The following CEP128 variants were observed in gnomAD, a reference collection of about 807,000 sequenced individuals.
CEP128 encodes the protein centrosomal protein 128.
Under a neutral mutation model 156.7 loss-of-function variants are expected in CEP128, and 132 were observed. The ratio of observed to expected loss-of-function variants is 0.84; its 90% CI spans 0.73 to 0.97. The LOEUF (loss-of-function observed/expected upper bound fraction) is 0.97. Ranked by LOEUF, CEP128 falls within the 50% of genes least tolerant of loss-of-function variation. CEP128 has a pLI of 0.00. For missense variants in CEP128, 1,252 were observed against 1,281.9 expected (o/e 0.98, Z 0.36); for synonymous variants, 469 against 448.9 (o/e 1.04, Z -0.57).
At chr14:80,570,550 G>A (rs2140411095) in intron 20 of CEP128, among the ~76,000 whole-genome samples, 1 of 152,246 alleles carries the variant, frequency 6.6e-6, no homozygotes, top group Non-Finnish European at 1.5e-5. Flanking sequence ...AAATGTAGGG[G>A]GTCGGGGAGG....
chr14:80,936,969 A>G (rs549465688), intron 2 of CEP128, among the ~76,000 whole-genome samples: 2 of 150,548 alleles, frequency 1.3e-5, no homozygotes, highest in South Asian at 2.1e-4. Flanking sequence ...TAAAAATTTA[A>G]AAAAAAAAAA....
intron 19 of CEP128, among the ~76,000 whole-genome samples, chr14:80,621,256 A>G (rs972547605): frequency 9.9e-5 from 15 of 152,208 alleles, no homozygotes; most frequent in African/African-American, 3.4e-4. Context: ...ATTACTTACC[A>G]TGAATTCATT....
At chr14:80,477,652 A>AGG (rs746211247) in exon 15 of CEP128, 6 of 152,290 alleles carry the variant, frequency 3.9e-5, no homozygotes, top group Non-Finnish European at 7.3e-5. Context: ...AGTTCTAAGG[A>AGG]GGGGGAAAGG....
At chr14:80,707,576 CTGTT>C (rs1897269241) in intron 19 of CEP128, among the ~76,000 whole-genome samples, 1 of 152,108 alleles carries the variant, frequency 6.6e-6, no homozygotes, top group Non-Finnish European at 1.5e-5. Context: ...GCACTGGTCT[CTGTT>C]TGTGAAGCTG....
chr14:80,774,493 T>C (rs1296554798), intron 16 of CEP128, among the ~76,000 whole-genome samples: 1 of 152,230 alleles, frequency 6.6e-6, no homozygotes, highest in Non-Finnish European at 1.5e-5. Context: ...TACTAATCAC[T>C]GGGTTTTCCT....
intron 8 of CEP128, among the ~76,000 whole-genome samples, chr14:80,892,286 G>C (rs1889138835): frequency 1.3e-5 from 2 of 151,900 alleles, no homozygotes; most frequent in Middle Eastern, 3.4e-3. Flanking sequence ...TTTTGACAGG[G>C]GCACCAATAG....
At chr14:80,833,406 T>C (rs1885912506) in intron 12 of CEP128, among the ~76,000 whole-genome samples, 1 of 151,776 alleles carries the variant, frequency 6.6e-6, no homozygotes, top group East Asian at 1.9e-4. Context: ...TACACACACA[T>C]CTATACATAC....
intron 19 of CEP128, among the ~76,000 whole-genome samples, chr14:80,732,291 C>T (rs1251916559): frequency 6.6e-6 from 1 of 151,934 alleles, no homozygotes; most frequent in Non-Finnish European, 1.5e-5. Flanking sequence ...CACTAGCAAA[C>T]ATGATAAAAA....
intron 7 of CEP128, among the ~76,000 whole-genome samples, chr14:80,899,236 G>A (rs1467420989): frequency 6.6e-6 from 1 of 152,142 alleles, no homozygotes; most frequent in Non-Finnish European, 1.5e-5. Context: ...GATTTAGACA[G>A]CTGGAGTTAG....
chr14:80,529,586 C>T (rs971281518), intron 22 of CEP128, among the ~76,000 whole-genome samples: 2 of 152,082 alleles, frequency 1.3e-5, no homozygotes, highest in East Asian at 1.9e-4. Context: ...ACAAGTGCAA[C>T]CTGTTTCCCA....
At chr14:80,771,289 CAATA>C (rs1900497946) in intron 16 of CEP128, among the ~76,000 whole-genome samples, 1 of 152,084 alleles carries the variant, frequency 6.6e-6, no homozygotes, top group South Asian at 2.1e-4. Flanking sequence ...ATTTTGCTGG[CAATA>C]AATAAAGGAG....
At chr14:80,938,245 ATTTTTTT>A (rs35236692) in intron 2 of CEP128, among the ~76,000 whole-genome samples, 5 of 117,014 alleles carry the variant, frequency 4.3e-5, no homozygotes, top group Admixed American at 1.0e-4. Context: ...CAGTGTTAGT[ATTTTTTT>A]TTTTTTTTTT....
At position 80,922,954 on chromosome 14, in the gene CEP128, G is replaced by C. The variant is rs893242614; in HGVS notation, c.-15-6392C>G. Among the ~76,000 whole-genome samples the C allele has an allele frequency of 5.9e-5, 9 of 152,162 alleles. No individual in the cohort carries two copies. The South Asian group carries it at 1.7e-3, about 28-fold the overall frequency. On this transcript the variant is annotated intron_variant, in intron 2 of 24. Coordinates refer to ENST00000555265, the MANE Select transcript of CEP128 (RefSeq NM_152446.5). ...CTTCTGCAGCTTACTACCACCTGCT[G>C]GTGCAACAAAATTTCTTATTAACAA...
intron 10 of CEP128, among the ~76,000 whole-genome samples, chr14:80,839,504 A>AAC (rs367547508): frequency 1.0e-3 from 151 of 150,538 alleles, no homozygotes; most frequent in South Asian, 4.2e-3. Flanking sequence ...ACTTCACACA[A>AAC]ACACACACAC....
chr14:80,855,590 T>C (rs1165300184), intron 9 of CEP128, among the ~76,000 whole-genome samples: 1 of 151,920 alleles, frequency 6.6e-6, no homozygotes, highest in Non-Finnish European at 1.5e-5. Flanking sequence ...GCATTGGTTA[T>C]GGAAACAAGA....
At chr14:80,767,018 G>C (rs1169596657) in intron 16 of CEP128, among the ~76,000 whole-genome samples, 1 of 152,066 alleles carries the variant, frequency 6.6e-6, no homozygotes, top group East Asian at 1.9e-4. Flanking sequence ...TTAAATCCAG[G>C]ACACTAGCAT....
upstream of CEP128, among the ~76,000 whole-genome samples, chr14:80,945,308 T>C (rs1886313933): frequency 6.6e-6 from 1 of 152,190 alleles, no homozygotes; most frequent in Non-Finnish European, 1.5e-5. Flanking sequence ...TAATTTAAAC[T>C]TAACTACCTC....
intron 19 of CEP128, among the ~76,000 whole-genome samples, chr14:80,686,806 T>C (rs1475098176): frequency 6.6e-6 from 1 of 151,964 alleles, no homozygotes; most frequent in East Asian, 1.9e-4. Context: ...CCAACAAAGA[T>C]TCTTGTTTAA....
chr14:80,718,842 C>G (rs912490603), intron 19 of CEP128, among the ~76,000 whole-genome samples: 14 of 152,166 alleles, frequency 9.2e-5, no homozygotes, highest in Non-Finnish European at 1.8e-4. Flanking sequence ...TTAACACCAG[C>G]GAACCTCTCA....
Sources: allele counts gnomAD v4.1 joint callset (sites outside exome capture counted in the v4.1 genomes callset), GRCh38; gene constraint gnomAD v4.1.1; transcripts MANE v1.5; gene names NCBI Gene and HGNC (gene_info 2026-07-23, HGNC 2026-07-21).